The following GPR180 variants were observed in gnomAD, a reference collection of about 807,000 sequenced individuals.
GPR180 encodes the protein G protein-coupled receptor 180.
In GPR180, 53 loss-of-function variants were observed where a neutral mutation model predicts 52.6. That is an observed-to-expected ratio of 1.01 (90% CI 0.81 to 1.27). The LOEUF (loss-of-function observed/expected upper bound fraction) is 1.27. Among genes scored for constraint, GPR180 ranks in the 50% most tolerant of loss-of-function variants. The pLI is 0.00. For missense variants in GPR180, 533 were observed against 527.0 expected, an observed-to-expected ratio of 1.01 and a Z score of -0.11; for synonymous variants, 200 against 193.1, an observed-to-expected ratio of 1.04 and a Z score of -0.30.
rs1489119084 is a variant in GPR180, at chr13:94,627,071, T to G, written c.1223T>G (p.Leu408Arg). 1 of 1,611,934 alleles carries G rather than the reference T, an allele frequency of 6.2e-7. No individual in the cohort carries two copies. Among genetic ancestry groups the G allele is most frequent in the Admixed American group, 1.7e-5 (1 of 59,990 alleles). ...GTTTCCATGGTTATTCTCTACAGACTCTTTCTGTCTCACAGTCTATACTGG... is the reference window on the plus strand; with the variant it reads ...GTTTCCATGGTTATTCTCTACAGACGCTTTCTGTCTCACAGTCTATACTGG... ...QSVSMVILYRLFLSHSLYWEV... is the reference protein window; with the variant it reads ...QSVSMVILYRRFLSHSLYWEV... Residue 408 changes from leucine (L) to arginine (R), a missense_variant, in exon 9 of 9, where the codon CTC becomes CGC. Leu to Arg is a moderately radical substitution (Grantham distance 102). Transcript: ENST00000376958.
At chr13:94,626,590 A>T (rs980828210) in intron 8 of GPR180, among the ~76,000 whole-genome samples, 1 of 152,202 alleles carries the variant, frequency 6.6e-6, no homozygotes, top group Non-Finnish European at 1.5e-5. Flanking sequence ...GTGAATAGAT[A>T]GGACAGTAGT....
chr13:94,602,145 T>A, intron 1 of GPR180, 73 bp downstream of exon 1: 2 of 1,217,898 alleles, frequency 1.6e-6, no homozygotes, highest in Non-Finnish European at 2.1e-6. Context: ...CGGCCGCTCC[T>A]CCCGGCCCCT....
At chr13:94,608,806 C>T (rs1889666659) in intron 2 of GPR180, among the ~76,000 whole-genome samples, 1 of 152,140 alleles carries the variant, frequency 6.6e-6, no homozygotes, top group Non-Finnish European at 1.5e-5. Flanking sequence ...CTACGTAAAA[C>T]CTTGCTGCTG....
At chr13:94,604,324 AAT>A (rs1889601480) in intron 1 of GPR180, among the ~76,000 whole-genome samples, 1 of 141,816 alleles carries the variant, frequency 7.1e-6, no homozygotes, top group African/African-American at 2.8e-5. Flanking sequence ...ATAGGGCGAG[AAT>A]ATGTCTCAAA....
Position 94,634,272 on chromosome 13 carries a change from G to A in GPR180, c.*7101G>A, listed in dbSNP as rs1359508290. 6 of 152,196 alleles carry A rather than the reference G, an allele frequency of 3.9e-5. No homozygotes were observed. Among genetic ancestry groups the A allele is most frequent in the South Asian group, 4.1e-4 (2 of 4,826 alleles). The allele number at this position is 152,196 out of a possible 1,614,324, so 9.4% of individuals were successfully genotyped here. A position where few individuals can be genotyped will look rare whatever the true frequency, so the allele number is the denominator to read the frequency against. On this transcript the variant is annotated 3_prime_UTR_variant, in exon 9 of 9. Transcript: ENST00000376958. ...GTGTTGAGTGTTAAACCCACAGGTG[G>A]TAGCATGACATTGACTCCTCAGCCA...
At chr13:94,606,967 A>G (rs1252227823) in intron 2 of GPR180, among the ~76,000 whole-genome samples, 1 of 152,208 alleles carries the variant, frequency 6.6e-6, no homozygotes, top group East Asian at 1.9e-4. Flanking sequence ...TAAGTGTTGC[A>G]CATATGTGTA....
At chr13:94,621,583 T>C (rs1889851995) in intron 6 of GPR180, among the ~76,000 whole-genome samples, 1 of 152,190 alleles carries the variant, frequency 6.6e-6, no homozygotes, top group African/African-American at 2.4e-5. Flanking sequence ...CTCTAGCACA[T>C]GGTAAGTACT....
chr13:94,607,492 G>A (rs1889649905), intron 2 of GPR180, among the ~76,000 whole-genome samples: 1 of 152,188 alleles, frequency 6.6e-6, no homozygotes, highest in Non-Finnish European at 1.5e-5. Context: ...CCTTTGCATA[G>A]GCTTTTTCCT....
At chr13:94,616,152 G>A (rs1296742602) in intron 3 of GPR180, among the ~76,000 whole-genome samples, 2 of 152,164 alleles carry the variant, frequency 1.3e-5, no homozygotes, top group Non-Finnish European at 2.9e-5. Flanking sequence ...TTTTTAGGAG[G>A]AAGGAAGTCT....
chr13:94,620,631 A>G (rs899930983), intron 5 of GPR180, among the ~76,000 whole-genome samples: 3 of 152,226 alleles, frequency 2.0e-5, no homozygotes, highest in Non-Finnish European at 4.4e-5. Context: ...TACTCTTCAC[A>G]TTATAGTTCA....
intron 3 of GPR180, among the ~76,000 whole-genome samples, chr13:94,613,797 A>AAGGCATTG (rs924202425): frequency 6.6e-6 from 1 of 151,972 alleles, no homozygotes; most frequent in African/African-American, 2.4e-5. Context: ...GTATTTTGGA[A>AAGGCATTG]AGGCATTGAT....
intron 8 of GPR180, among the ~76,000 whole-genome samples, chr13:94,626,760 G>C (rs1479274788): frequency 6.6e-6 from 1 of 152,068 alleles, no homozygotes; most frequent in Non-Finnish European, 1.5e-5. Context: ...CCTTAGGAGA[G>C]AATGGTTTAG....
At chr13:94,605,230 A>G (rs1464961364) in intron 1 of GPR180, among the ~76,000 whole-genome samples, 161 bp from the exon 2 acceptor site, 1 of 152,234 alleles carries the variant, frequency 6.6e-6, no homozygotes, top group Admixed American at 6.5e-5. Flanking sequence ...CTTGCTTCTG[A>G]ATGTTGTGTT....
intron 8 of GPR180, among the ~76,000 whole-genome samples, 198 bp downstream of exon 8, chr13:94,626,241 G>A (rs1431698624): frequency 6.6e-6 from 1 of 151,812 alleles, no homozygotes; most frequent in Non-Finnish European, 1.5e-5. Flanking sequence ...GCAAAATGGT[G>A]GAAATAGCTT....
intron 2 of GPR180, among the ~76,000 whole-genome samples, chr13:94,608,479 G>A (rs1052815552): frequency 6.6e-6 from 1 of 152,098 alleles, no homozygotes; most frequent in African/African-American, 2.4e-5. Flanking sequence ...AGGAATGAAG[G>A]TTGTTTTGTC....
At chr13:94,604,304 A>C (rs142754037) in intron 1 of GPR180, among the ~76,000 whole-genome samples, 452 of 151,752 alleles carry the variant, frequency 3.0e-3, no homozygotes, top group Non-Finnish European at 4.3e-3. Flanking sequence ...ATTGCACTCC[A>C]GCCTGGGCAA....
chr13:94,611,039 G>GT (rs760920651), intron 2 of GPR180, among the ~76,000 whole-genome samples: 4 of 152,276 alleles, frequency 2.6e-5, no homozygotes, highest in African/African-American at 9.6e-5. Flanking sequence ...GCTGTAGGTA[G>GT]TATCTTCATT....
chr13:94,605,474 C>G lies in GPR180; in HGVS notation c.229C>G (p.Gln77Glu), dbSNP rs1184322103. The G allele has an allele frequency of 5.6e-6, 9 of 1,614,038 alleles. No individual in the cohort carries two copies. Among genetic ancestry groups the G allele is most frequent in the Non-Finnish European group, 6.8e-6 (8 of 1,179,960 alleles). Residue 77 changes from glutamine (Q) to glutamate (E), a missense_variant, in exon 2 of 9, where the codon CAG (glutamine) becomes GAG (glutamate). Gln to Glu is a conservative substitution (Grantham distance 29, BLOSUM62 2). Coordinates refer to ENST00000376958, the MANE Select transcript of GPR180 (RefSeq NM_180989.6). Reference sequence around the variant, plus strand: ...AGCTAAACTCTACCTGTTCCAAGCCCAGGAATGGCTAAAGCTACAGCAAAG... The same window carrying G: ...AGCTAAACTCTACCTGTTCCAAGCCGAGGAATGGCTAAAGCTACAGCAAAG... ...KEAKLYLFQA[Q>E]EWLKLQQSSH...
At position 94,627,778 on chromosome 13, in the gene GPR180, G is replaced by A. The variant is rs1341322893; in HGVS notation, c.*607G>A. The A allele has an allele frequency of 1.3e-5, 2 of 152,070 alleles. No individual in the cohort carries two copies. Among genetic ancestry groups the A allele is most frequent in the Non-Finnish European group, 2.9e-5 (2 of 67,964 alleles). The allele number at this position is 152,070 out of a possible 1,614,324, so 9.4% of individuals were successfully genotyped here. On this transcript the variant is annotated 3_prime_UTR_variant, in exon 9 of 9. Coordinates refer to ENST00000376958, the MANE Select transcript of GPR180 (RefSeq NM_180989.6). Reference sequence around the variant, plus strand: ...TTCTGCCATTTTTGGCTCTAGTTCAGGTTTTAGCTTGATTAGCAAAGGTTT... The same window carrying A: ...TTCTGCCATTTTTGGCTCTAGTTCAAGTTTTAGCTTGATTAGCAAAGGTTT...
Sources: allele counts gnomAD v4.1 joint callset (sites outside exome capture counted in the v4.1 genomes callset), GRCh38; gene constraint gnomAD v4.1.1; transcripts MANE v1.5; gene names NCBI Gene and HGNC (gene_info 2026-07-23, HGNC 2026-07-21).